The following AGBL1 variants were observed in gnomAD, a reference collection of about 807,000 sequenced individuals.
AGBL1 encodes the protein AGBL carboxypeptidase 1, also known as cytosolic carboxypeptidase 4.
Under a neutral mutation model 118.9 loss-of-function variants are expected in AGBL1, and 130 were observed. The observed-to-expected ratio is 1.09, with a 90% CI of 0.95 to 1.26. The LOEUF is 1.26. AGBL1 is among the 50% of genes most tolerant of loss of function. The pLI, the probability that AGBL1 is intolerant of heterozygous loss-of-function variation, is 0.00. For missense variants in AGBL1, 1,584 were observed against 1,298.1 expected, an observed-to-expected ratio of 1.22 and a Z score of -3.38; for synonymous variants, 555 against 478.9, an observed-to-expected ratio of 1.16 and a Z score of -2.08.
At chr15:87,029,015 AG>A in exon 25 of AGBL1, 1 of 605,638 alleles carries the variant, frequency 1.7e-6, no homozygotes, top group South Asian at 2.6e-5. Flanking sequence ...AGAAAACATA[AG>A]GACAGGCAAT....
At chr15:86,841,506 C>T (rs903835626) in intron 22 of AGBL1, among the ~76,000 whole-genome samples, 3 of 152,128 alleles carry the variant, frequency 2.0e-5, no homozygotes, top group African/African-American at 4.8e-5. Context: ...AATCTGTCTT[C>T]AAAATTTGGC....
intron 5 of AGBL1, among the ~76,000 whole-genome samples, chr15:86,224,480 G>T (rs1261621168): frequency 6.6e-6 from 1 of 152,058 alleles, no homozygotes; most frequent in Non-Finnish European, 1.5e-5. Flanking sequence ...GTTTCAAGAA[G>T]TTTGCACTGT....
chr15:86,264,186 G>A, intron 10 of AGBL1, 72 bp from the exon 11 acceptor site: 1 of 1,263,646 alleles, frequency 7.9e-7, no homozygotes, highest in South Asian at 1.5e-5. Flanking sequence ...CAGAGAGTAA[G>A]GACAGGGATC....
intron 17 of AGBL1, among the ~76,000 whole-genome samples, chr15:86,314,600 C>A (rs2079970172): frequency 6.6e-6 from 1 of 152,090 alleles, no homozygotes; most frequent in East Asian, 1.9e-4. Context: ...ATTGAAGACA[C>A]CCTGGGAGGC....
At chr15:86,736,782 G>A (rs937516728) in intron 22 of AGBL1, among the ~76,000 whole-genome samples, 1 of 152,094 alleles carries the variant, frequency 6.6e-6, no homozygotes, top group Non-Finnish European at 1.5e-5. Context: ...TTAATACCTG[G>A]CTTTTAGACA....
chr15:86,448,763 A>G (rs2142065961), intron 18 of AGBL1, among the ~76,000 whole-genome samples: 1 of 152,332 alleles, frequency 6.6e-6, no homozygotes, highest in South Asian at 2.1e-4. Flanking sequence ...ATGGAGGATA[A>G]AGGGAGAGGA....
intron 24 of AGBL1, among the ~76,000 whole-genome samples, chr15:87,017,852 G>A (rs2081622651): frequency 6.6e-6 from 1 of 152,096 alleles, no homozygotes; most frequent in South Asian, 2.1e-4. Context: ...AAACTTTGCT[G>A]AGCTAAAGGA....
intron 17 of AGBL1, among the ~76,000 whole-genome samples, chr15:86,354,658 A>G (rs1011339199): frequency 6.6e-6 from 1 of 152,188 alleles, no homozygotes; most frequent in Non-Finnish European, 1.5e-5. Flanking sequence ...TTCATATGAT[A>G]TATCCATTGT....
intron 5 of AGBL1, among the ~76,000 whole-genome samples, chr15:86,223,903 C>A (rs1374817414): frequency 6.6e-6 from 1 of 152,142 alleles, no homozygotes; most frequent in Non-Finnish European, 1.5e-5. Context: ...ATTGACCAGG[C>A]AGAGGCCAGG....
chr15:86,567,823 G>T (rs1324080738), intron 21 of AGBL1, among the ~76,000 whole-genome samples: 1 of 152,080 alleles, frequency 6.6e-6, no homozygotes, highest in Non-Finnish European at 1.5e-5. Flanking sequence ...GAGGTATCTT[G>T]ATCTGGGGCA....
At chr15:86,610,791 T>C (rs2084644890) in intron 21 of AGBL1, among the ~76,000 whole-genome samples, 1 of 152,212 alleles carries the variant, frequency 6.6e-6, no homozygotes, top group African/African-American at 2.4e-5. Flanking sequence ...TATTTTTTTT[T>C]CCTTCTGTGT....
chr15:86,397,148 G>GT lies in AGBL1; in HGVS notation c.2375-212dup, dbSNP rs1307694183. 2.0e-5 allele frequency among the ~76,000 whole-genome samples: 3 copies of GT among 152,056 alleles called. No homozygotes were observed. In the East Asian group the frequency reaches 5.8e-4, roughly 29 times the overall value. On this transcript the variant is annotated intron_variant, in intron 17 of 22. Coordinates refer to ENST00000614907, the MANE Select transcript of AGBL1 (RefSeq NM_001386094.1). ...AGTTTGTATCTTCAAAAAGGCTACG[G>GT]TTTTTTAGATTCTGTATGAGTAAGA... is the stretch of plus-strand genomic sequence containing the variant.
intron 4 of AGBL1, among the ~76,000 whole-genome samples, chr15:86,155,846 C>T (rs983873307): frequency 2.0e-5 from 3 of 152,078 alleles, no homozygotes; most frequent in African/African-American, 7.2e-5. Flanking sequence ...GCTAGGGCTG[C>T]CTTAATGCCT....
chr15:86,447,632 T>G (rs895348778), intron 18 of AGBL1, among the ~76,000 whole-genome samples: 1 of 152,180 alleles, frequency 6.6e-6, no homozygotes, highest in Non-Finnish European at 1.5e-5. Context: ...GAGGAAACCT[T>G]GCTCTAAGTC....
chr15:86,251,870 T>C (rs2078821520), intron 7 of AGBL1, among the ~76,000 whole-genome samples: 1 of 150,902 alleles, frequency 6.6e-6, no homozygotes, highest in African/African-American at 2.4e-5. Flanking sequence ...TTGGGGATAA[T>C]TATCAATTTG....
chr15:86,346,988 G>A (rs2080547958), intron 17 of AGBL1, among the ~76,000 whole-genome samples: 1 of 152,188 alleles, frequency 6.6e-6, no homozygotes, highest in South Asian at 2.1e-4. Flanking sequence ...ATGGATCCTG[G>A]TGGAGCTTTG....
chr15:86,342,826 TC>T (rs2080481701), intron 17 of AGBL1, among the ~76,000 whole-genome samples: 1 of 152,246 alleles, frequency 6.6e-6, no homozygotes, highest in African/African-American at 2.4e-5. Context: ...AATATGTTTT[TC>T]TGCCTTAAAG....
intron 18 of AGBL1, among the ~76,000 whole-genome samples, chr15:86,431,111 G>A (rs565554922): frequency 6.6e-6 from 1 of 152,138 alleles, no homozygotes; most frequent in Admixed American, 6.5e-5. Context: ...TGTTAGCAGT[G>A]ACCTTACTGA....
At chr15:86,882,309 G>A (rs2079905595) in intron 22 of AGBL1, among the ~76,000 whole-genome samples, 1 of 152,160 alleles carries the variant, frequency 6.6e-6, no homozygotes, top group African/African-American at 2.4e-5. Flanking sequence ...AACCAACAGT[G>A]AAGATCAGAT....
Sources: allele counts gnomAD v4.1 joint callset (sites outside exome capture counted in the v4.1 genomes callset), GRCh38; gene constraint gnomAD v4.1.1; transcripts MANE v1.5; gene names NCBI Gene and HGNC (gene_info 2026-07-23, HGNC 2026-07-21).